The following MAN1A1 variants were observed in gnomAD, a reference collection of about 807,000 sequenced individuals.
MAN1A1 encodes mannosidase alpha class 1A member 1.
Under a neutral mutation model 70.8 loss-of-function variants are expected in MAN1A1, and 29 were observed. The observed-to-expected ratio is 0.41, with a 90% CI of 0.31 to 0.56. The LOEUF (loss-of-function observed/expected upper bound fraction) is 0.56, where lower values mean the gene tolerates loss of function less well. Ranked by LOEUF, MAN1A1 falls within the 20% of genes least tolerant of loss-of-function variation. The pLI, the probability that MAN1A1 is intolerant of heterozygous loss-of-function variation, is 0.29. For synonymous variants in MAN1A1, 349 were observed against 330.1 expected, an observed-to-expected ratio of 1.06 and a Z score of -0.62; for missense variants, 747 against 841.3, an observed-to-expected ratio of 0.89 and a Z score of 1.39.
At chr6:119,246,384 T>C (rs1054509119) in intron 6 of MAN1A1, among the ~76,000 whole-genome samples, 7 of 152,302 alleles carry the variant, frequency 4.6e-5, no homozygotes, top group Middle Eastern at 6.8e-3. Context: ...TAAAAATCCA[T>C]GTAGTCAGGA....
At chr6:119,213,882 T>C (rs1774119845) in intron 6 of MAN1A1, among the ~76,000 whole-genome samples, 3 of 152,252 alleles carry the variant, frequency 2.0e-5, no homozygotes, top group Admixed American at 2.0e-4. Flanking sequence ...AATTTATGTT[T>C]ACCTTTAATT....
rs572937765 is a variant in MAN1A1 at position 119,325,483 on chromosome 6, C to T, written c.604-18491G>A. Among the ~76,000 whole-genome samples the T allele has an allele frequency of 4.6e-5, 7 of 152,138 alleles. No homozygotes were observed. In the East Asian group the frequency reaches 1.4e-3, roughly 29 times the overall value. On this transcript the variant is annotated intron_variant, in intron 2 of 12. Transcript: ENST00000368468. ...GACCAGCCTGGCTAACATGTGAAGC[C>T]CCGTCTCTAATAAAAATACAAAAAT...
chr6:119,191,527 A>G (rs1307796494), intron 9 of MAN1A1, among the ~76,000 whole-genome samples: 1 of 152,200 alleles, frequency 6.6e-6, no homozygotes, highest in Non-Finnish European at 1.5e-5. Flanking sequence ...TGTGTCAAGG[A>G]TACAGATAAT....
At chr6:119,335,592 CAT>C (rs913799894) in intron 2 of MAN1A1, among the ~76,000 whole-genome samples, 4 of 152,110 alleles carry the variant, frequency 2.6e-5, no homozygotes, top group African/African-American at 9.7e-5. Context: ...TGAAAGATAA[CAT>C]ATATGCACAC....
chr6:119,309,562 C>T (rs1772645192), intron 2 of MAN1A1, among the ~76,000 whole-genome samples: 1 of 152,126 alleles, frequency 6.6e-6, no homozygotes, highest in Non-Finnish European at 1.5e-5. Context: ...TGTAGTCTTT[C>T]ATTAACTTAA....
At chr6:119,260,915 CAT>C (rs1481399125) in intron 5 of MAN1A1, among the ~76,000 whole-genome samples, 1 of 149,148 alleles carries the variant, frequency 6.7e-6, no homozygotes, top group Non-Finnish European at 1.5e-5. Flanking sequence ...TAACAAGAAA[CAT>C]AATTTATGTT....
Position 119,220,645 on chromosome 6 carries a change from C to T in MAN1A1, c.993-15763G>A, listed in dbSNP as rs116948777. On this transcript the variant is annotated intron_variant, in intron 6 of 12. Transcript: ENST00000368468. ...TACTGTTTAGCAAAGGAAACTGGGT[C>T]TCTACAAGGTTAAGTGACTTGCTCC... 7.0e-4 allele frequency among the ~76,000 whole-genome samples: 107 copies of T among 152,292 alleles called. No individual in the cohort carries two copies. In the East Asian group the frequency reaches 0.015, roughly 21 times the overall value.
At chr6:119,287,237 T>G (rs1028919134) in intron 5 of MAN1A1, among the ~76,000 whole-genome samples, 8 of 152,142 alleles carry the variant, frequency 5.3e-5, no homozygotes, top group African/African-American at 1.9e-4. Context: ...AGATCCCCTA[T>G]GCCAACTTGA....
intron 4 of MAN1A1, among the ~76,000 whole-genome samples, chr6:119,292,153 T>C (rs1772047978): frequency 6.6e-6 from 1 of 152,068 alleles, no homozygotes; most frequent in Non-Finnish European, 1.5e-5. Context: ...TTACTGCTAA[T>C]ATTTTATACT....
intron 5 of MAN1A1, among the ~76,000 whole-genome samples, chr6:119,275,864 C>A (rs547514924): frequency 6.6e-6 from 1 of 152,336 alleles, no homozygotes; most frequent in African/African-American, 2.4e-5. Flanking sequence ...TGGACACGGT[C>A]ATGTGCTTTG....
chr6:119,240,107 C>T (rs966359198), intron 6 of MAN1A1, among the ~76,000 whole-genome samples: 1 of 152,144 alleles, frequency 6.6e-6, no homozygotes, highest in African/African-American at 2.4e-5. Context: ...ATTTAACAAT[C>T]CAGTCCCATC....
intron 2 of MAN1A1, chr6:119,331,994 G>A: frequency 2.0e-6 from 1 of 504,494 alleles, no homozygotes; most frequent in Non-Finnish European, 4.0e-6. Flanking sequence ...CCCCTTCCTG[G>A]CTTCAATTTC....
intron 5 of MAN1A1, among the ~76,000 whole-genome samples, chr6:119,280,549 T>G (rs1043631707): frequency 3.3e-5 from 5 of 152,232 alleles, no homozygotes; most frequent in Non-Finnish European, 1.5e-5. Context: ...AATTACCAGA[T>G]GGTATATTAT....
At chr6:119,189,908 C>T (rs1773396205) in intron 9 of MAN1A1, 25 bp from the exon 10 acceptor site, 1 of 1,553,816 alleles carries the variant, frequency 6.4e-7, no homozygotes, top group Non-Finnish European at 8.9e-7. Context: ...TATTTTTTAA[C>T]ATTTTGTAAT....
chr6:119,270,744 A>C (rs1026198877), intron 5 of MAN1A1, among the ~76,000 whole-genome samples: 2 of 152,160 alleles, frequency 1.3e-5, no homozygotes, highest in African/African-American at 4.8e-5. Context: ...GGGTATAAAA[A>C]TCTTTGTTTC....
intron 6 of MAN1A1, among the ~76,000 whole-genome samples, chr6:119,238,629 G>C (rs776115234): frequency 6.6e-6 from 1 of 152,118 alleles, no homozygotes; most frequent in Non-Finnish European, 1.5e-5. Context: ...GATCAGTTTT[G>C]AAAGTGATTA....
At chr6:119,328,830 T>C (rs1195057900) in intron 2 of MAN1A1, among the ~76,000 whole-genome samples, 2 of 152,178 alleles carry the variant, frequency 1.3e-5, no homozygotes, top group Non-Finnish European at 1.5e-5. Flanking sequence ...TGAACTGATA[T>C]TTTGCAGGAA....
At chr6:119,236,905 A>G (rs983309614) in intron 6 of MAN1A1, among the ~76,000 whole-genome samples, 5 of 151,816 alleles carry the variant, frequency 3.3e-5, no homozygotes, top group African/African-American at 1.2e-4. Context: ...AGTAAAAAAA[A>G]AATCAACATT....
chr6:119,233,919 C>G (rs1237947780), intron 6 of MAN1A1, among the ~76,000 whole-genome samples: 1 of 152,202 alleles, frequency 6.6e-6, no homozygotes, highest in Non-Finnish European at 1.5e-5. Flanking sequence ...TACATTATCA[C>G]AATACTTTGT....
Sources: allele counts gnomAD v4.1 joint callset (sites outside exome capture counted in the v4.1 genomes callset), GRCh38; gene constraint gnomAD v4.1.1; transcripts MANE v1.5; gene names NCBI Gene and HGNC (gene_info 2026-07-23, HGNC 2026-07-21).